GLG1: variants seen among roughly 807,000 people sequenced by gnomAD.
GLG1 encodes the protein Golgi apparatus protein 1.
In GLG1, 38 loss-of-function variants were observed where a neutral mutation model predicts 160.5. The observed-to-expected ratio is 0.24, with a 90% CI of 0.18 to 0.31. GLG1 has a LOEUF of 0.31. GLG1 is among the 10% of genes least tolerant of loss of function. The pLI, the probability that GLG1 is intolerant of heterozygous loss-of-function variation, is 1.00. For missense variants in GLG1, 1,373 were observed against 1,505.2 expected, an observed-to-expected ratio of 0.91 and a Z score of 1.45; for synonymous variants, 644 against 543.4, an observed-to-expected ratio of 1.19 and a Z score of -2.57.
intron 1 of GLG1, among the ~76,000 whole-genome samples, chr16:74,592,441 A>G (rs1378649976): frequency 6.6e-6 from 1 of 152,052 alleles, no homozygotes; most frequent in Non-Finnish European, 1.5e-5. Flanking sequence ...CTGTTTATAT[A>G]AATGTTCTTG....
At chr16:74,596,059 GT>G (rs1469532010) in intron 1 of GLG1, among the ~76,000 whole-genome samples, 1 of 152,120 alleles carries the variant, frequency 6.6e-6, no homozygotes, top group Non-Finnish European at 1.5e-5. Context: ...AGAGGCAGAG[GT>G]TGCCCCTTAT....
intron 1 of GLG1, among the ~76,000 whole-genome samples, chr16:74,594,753 T>C (rs187857583): frequency 1.1e-4 from 13 of 114,310 alleles, no homozygotes; most frequent in Admixed American, 2.5e-4. Context: ...TTTTGTTTTG[T>C]TTTTGAGACA....
intron 1 of GLG1, among the ~76,000 whole-genome samples, chr16:74,589,503 AAC>A (rs1958127108): frequency 6.6e-6 from 1 of 152,244 alleles, no homozygotes; most frequent in South Asian, 2.1e-4. Context: ...TCCCAAAAAT[AAC>A]ACTTACATAT....
At chr16:74,551,931 G>A (rs1165991380) in intron 1 of GLG1, among the ~76,000 whole-genome samples, 7 of 150,984 alleles carry the variant, frequency 4.6e-5, no homozygotes, top group African/African-American at 1.2e-4. Flanking sequence ...GGAAGAAAAC[G>A]GCAAATATCT....
intron 10 of GLG1, 92 bp downstream of exon 10, chr16:74,482,931 T>G: frequency 1.3e-6 from 1 of 770,296 alleles, no homozygotes; most frequent in Non-Finnish European, 2.3e-6. Context: ...AAAAAGAGTT[T>G]CCTACTGATT....
Position 74,449,864 on chromosome 16 carries a change from A to G in GLG1, c.*3303T>C, listed in dbSNP as rs1273546528. The G allele has an allele frequency of 1.3e-5, 2 of 152,278 alleles. No individual in the cohort carries two copies. Among genetic ancestry groups the G allele is most frequent in the African/African-American group, 2.4e-5 (1 of 41,466 alleles). The allele number at this position is 152,278 out of a possible 1,614,324, so 9.4% of individuals were successfully genotyped here. A position where few individuals can be genotyped will look rare whatever the true frequency, so the allele number is the denominator to read the frequency against. ...GTGCTTCTTGCTAACGGGCTTGTCT[A>G]GGGACAACAGCAACAGCAATGGAAG... On this transcript the variant is annotated 3_prime_UTR_variant, in exon 26 of 26. Transcript: ENST00000422840.
intron 1 of GLG1, among the ~76,000 whole-genome samples, chr16:74,541,708 T>C (rs2017871868): frequency 6.6e-6 from 1 of 152,208 alleles, no homozygotes; most frequent in African/African-American, 2.4e-5. Context: ...AACAAAAACG[T>C]TACTGCTATC....
intron 1 of GLG1, among the ~76,000 whole-genome samples, chr16:74,578,757 T>C (rs761925473): frequency 2.0e-5 from 3 of 152,206 alleles, no homozygotes; most frequent in South Asian, 2.1e-4. Flanking sequence ...GATGTAGATA[T>C]ATTGATTCTG....
At chr16:74,516,883 C>G (rs563790725) in intron 2 of GLG1, among the ~76,000 whole-genome samples, 11 of 152,238 alleles carry the variant, frequency 7.2e-5, no homozygotes, top group Admixed American at 1.3e-4. Context: ...CACCACCGAT[C>G]CCACAGAAAT....
chr16:74,568,440 C>T (rs1404734573), intron 1 of GLG1, among the ~76,000 whole-genome samples: 19 of 137,492 alleles, frequency 1.4e-4, no homozygotes, highest in African/African-American at 3.8e-4. Flanking sequence ...TTTTTTGAGA[C>T]GGACTCTTGC....
chr16:74,537,299 T>C (rs1227568656), intron 1 of GLG1, among the ~76,000 whole-genome samples: 1 of 152,104 alleles, frequency 6.6e-6, no homozygotes, highest in African/African-American at 2.4e-5. Flanking sequence ...CACCAAGTAC[T>C]TGGAGACACC....
At chr16:74,585,692 A>T (rs1397179467) in intron 1 of GLG1, among the ~76,000 whole-genome samples, 7 of 142,134 alleles carry the variant, frequency 4.9e-5, no homozygotes, top group Admixed American at 1.5e-4. Flanking sequence ...TGGGTGACAG[A>T]GCCTGAGACT....
At chr16:74,467,900 T>C in intron 17 of GLG1, 52 bp from the exon 18 acceptor site, 1 of 1,203,526 alleles carries the variant, frequency 8.3e-7, no homozygotes, top group South Asian at 1.2e-5. Flanking sequence ...GCTGGAGATG[T>C]CATATGTTCT....
At chr16:74,563,077 A>C (rs535953661) in intron 1 of GLG1, 1 of 152,358 alleles carries the variant, frequency 6.6e-6, no homozygotes, top group African/African-American at 2.4e-5. Context: ...GCATGGATCA[A>C]AACTTCTCTG....
intron 11 of GLG1, 70 bp downstream of exon 11, chr16:74,480,171 A>C: frequency 7.9e-7 from 1 of 1,265,088 alleles, no homozygotes; most frequent in Non-Finnish European, 1.1e-6. Flanking sequence ...TGAAATCAGA[A>C]GAATATACAG....
At chr16:74,542,526 C>A (rs184817042) in intron 1 of GLG1, among the ~76,000 whole-genome samples, 81 of 151,690 alleles carry the variant, frequency 5.3e-4, no homozygotes, top group Admixed American at 1.2e-3. Context: ...AAAAAATTAG[C>A]TGGGCATGGT....
intron 1 of GLG1, among the ~76,000 whole-genome samples, chr16:74,596,814 T>C (rs1356288291): frequency 6.6e-6 from 1 of 152,066 alleles, no homozygotes; most frequent in Non-Finnish European, 1.5e-5. Context: ...GTTTTCTCAC[T>C]AAAAATAATA....
intron 19 of GLG1, 61 bp downstream of exon 19, chr16:74,465,615 T>C (rs879096319): frequency 1.1e-5 from 17 of 1,538,268 alleles, no homozygotes; most frequent in South Asian, 1.0e-4. Context: ...GTTGCTGCCA[T>C]TGTTTGTGCT....
At chr16:74,580,899 C>T (rs1744469821) in intron 1 of GLG1, among the ~76,000 whole-genome samples, 1 of 152,126 alleles carries the variant, frequency 6.6e-6, no homozygotes, top group Non-Finnish European at 1.5e-5. Context: ...GGTGAAACTC[C>T]ATCTCTACTA....
Sources: gnomAD v4.1 joint callset for allele counts (sites outside exome capture counted in the v4.1 genomes callset) on GRCh38, gnomAD v4.1.1 for gene constraint, MANE v1.5 for transcripts, NCBI Gene and HGNC (gene_info 2026-07-23, HGNC 2026-07-21) for gene names.